Variants in RALGAPA1 observed in about 807,000 individuals in gnomAD.
RALGAPA1 encodes the protein Ral GTPase activating protein catalytic subunit alpha 1.
RALGAPA1 carries 52 observed loss-of-function variants against 269.6 expected under a neutral mutation model. The ratio of observed to expected loss-of-function variants is 0.19; its 90% confidence interval spans 0.15 to 0.24. The LOEUF is 0.24. Among genes scored for constraint, RALGAPA1 ranks in the 10% least tolerant of loss-of-function variants. The pLI is 1.00. For synonymous variants in RALGAPA1, 817 were observed against 1,008.3 expected (o/e 0.81, Z 3.60); for missense variants, 1,917 against 3,013.9 (o/e 0.64, Z 8.52).
At chr14:35,570,231 CT>C (rs1295289013) in intron 39 of RALGAPA1, among the ~76,000 whole-genome samples, 1 of 149,724 alleles carries the variant, frequency 6.7e-6, no homozygotes, top group Non-Finnish European at 1.5e-5. Flanking sequence ...GATCGTGCCA[CT>C]GCACTCCAGC....
At chr14:35,684,571 T>C (rs757371676) in intron 20 of RALGAPA1, among the ~76,000 whole-genome samples, 2 of 152,232 alleles carry the variant, frequency 1.3e-5, no homozygotes, top group African/African-American at 4.8e-5. Flanking sequence ...ATTTTTTGTT[T>C]TTTAAATGCT....
chr14:35,546,365 G>A (rs1046560283), intron 41 of RALGAPA1, among the ~76,000 whole-genome samples: 2 of 151,838 alleles, frequency 1.3e-5, no homozygotes, highest in Non-Finnish European at 2.9e-5. Flanking sequence ...GCTAAATGAC[G>A]AGTTAATGGG....
chr14:35,791,703 G>A (rs1325462161), intron 1 of RALGAPA1, among the ~76,000 whole-genome samples: 2 of 151,418 alleles, frequency 1.3e-5, no homozygotes, highest in Non-Finnish European at 2.9e-5. Flanking sequence ...TCAGGAGATC[G>A]AGACCATCCT....
rs1482988246 is a variant in RALGAPA1, at chr14:35,627,410, T to G, written c.6537A>C (p.Thr2179=). The change falls in exon 34 of 42, where the codon ACA becomes ACC. Residue 2179 remains threonine (T), a synonymous_variant. Coordinates refer to ENST00000680220, the MANE Select transcript of RALGAPA1 (RefSeq NM_001346249.2). The part of the protein sequence containing the change: ...RFRETVPTWD[T]IRDEEDVLDE... ...CAAGAACATCTTCTTCATCTCTTAT[T>G]GTATCCCAAGTTGGTACAGTTTCTC... The G allele has an allele frequency of 6.2e-7, 1 of 1,614,038 alleles. No individual in the cohort carries two copies. The highest frequency in any genetic ancestry group is 8.5e-7 in the Non-Finnish European group (1 of 1,180,032).
intron 37 of RALGAPA1, among the ~76,000 whole-genome samples, chr14:35,575,541 C>T (rs1038573940): frequency 1.3e-5 from 2 of 152,146 alleles, no homozygotes; most frequent in African/African-American, 4.8e-5. Flanking sequence ...CATCCTGCCT[C>T]GGCTTGAATA....
intron 7 of RALGAPA1, among the ~76,000 whole-genome samples, chr14:35,752,797 G>C (rs929196703): frequency 9.9e-5 from 15 of 152,124 alleles, no homozygotes; most frequent in African/African-American, 3.1e-4. Flanking sequence ...CTGCAGAGGA[G>C]GGCAATGGTG....
chr14:35,660,113 A>G (rs574556305), intron 27 of RALGAPA1, among the ~76,000 whole-genome samples: 3 of 152,234 alleles, frequency 2.0e-5, no homozygotes, highest in South Asian at 4.1e-4. Flanking sequence ...GATTAGGAAC[A>G]AGATAAAGAT....
At chr14:35,754,801 AAACAAAT>A (rs1182451955) in intron 7 of RALGAPA1, among the ~76,000 whole-genome samples, 1 of 152,202 alleles carries the variant, frequency 6.6e-6, no homozygotes, top group Non-Finnish European at 1.5e-5. Context: ...AAATAACCAT[AAACAAAT>A]AACTGAATAA....
chr14:35,659,522 G>A (rs192738162), intron 27 of RALGAPA1, among the ~76,000 whole-genome samples: 5 of 152,110 alleles, frequency 3.3e-5, no homozygotes, highest in African/African-American at 1.2e-4. Flanking sequence ...GGCTTCACCA[G>A]TGAATTCTAC....
chr14:35,588,890 G>C (rs1399739196), intron 37 of RALGAPA1, among the ~76,000 whole-genome samples: 2 of 152,164 alleles, frequency 1.3e-5, no homozygotes, highest in African/African-American at 4.8e-5. Context: ...TAAAGAAAAT[G>C]TGGTATATAT....
intron 17 of RALGAPA1, among the ~76,000 whole-genome samples, chr14:35,691,005 G>T (rs2066432504): frequency 6.6e-6 from 1 of 151,642 alleles, no homozygotes; most frequent in East Asian, 1.9e-4. Context: ...TGAGGCAGAG[G>T]CTGCGGTGAG....
At position 35,578,362 on chromosome 14, in the gene RALGAPA1, G is replaced by A. The variant is rs539114427; in HGVS notation, c.7210-5644C>T. 4.6e-5 allele frequency among the ~76,000 whole-genome samples: 7 copies of A among 152,258 alleles called. No individual in the cohort carries two copies. In the South Asian group the frequency reaches 8.3e-4, roughly 18 times the overall value. On this transcript the variant is annotated intron_variant, in intron 37 of 41. Transcript: ENST00000680220. ...ATTACTTCAGGAGATAGGGGTATAC[G>A]TGTAGAAACTGTAACTTAGTATTCT...
intron 4 of RALGAPA1, among the ~76,000 whole-genome samples, chr14:35,764,723 T>C (rs1235161306): frequency 6.6e-6 from 1 of 151,884 alleles, no homozygotes; most frequent in East Asian, 1.9e-4. Context: ...TTTTGTATTT[T>C]TTGTAGAGAT....
In RALGAPA1 at chr14:35,738,740, T is replaced by C. The variant is rs544659647; in HGVS notation, c.1450-90A>G. 73 of 995,224 alleles carry C rather than the reference T, an allele frequency of 7.3e-5. No homozygotes were observed. The East Asian group carries it at 1.7e-3, about 23-fold the overall frequency. The allele number at this position is 995,224 out of a possible 1,614,324, so 61.6% of individuals were successfully genotyped here. A position where few individuals can be genotyped will look rare whatever the true frequency, so the allele number is the denominator to read the frequency against. ...TGAAAAGGTAAATGAAATTGTTAGG[T>C]CCCACTGCTAAACAGGTTTCTTTCT... On this transcript the variant is annotated intron_variant, in intron 11 of 41. Coordinates refer to ENST00000680220, the MANE Select transcript of RALGAPA1 (RefSeq NM_001346249.2).
chr14:35,674,083 T>C (rs566119706), intron 24 of RALGAPA1, 97 bp downstream of exon 24: 156 of 836,680 alleles, frequency 1.9e-4, no homozygotes, highest in Middle Eastern at 3.6e-4. Context: ...AAAAACTAAG[T>C]GCTCTAGAAG....
At chr14:35,597,576 C>T (rs2059007066) in intron 36 of RALGAPA1, among the ~76,000 whole-genome samples, 1 of 151,844 alleles carries the variant, frequency 6.6e-6, no homozygotes, top group Admixed American at 6.6e-5. Flanking sequence ...TTACCCAGAG[C>T]CCCCCAGTGC....
In RALGAPA1 at chr14:35,768,600, A is replaced by G. The variant is rs145409546; in HGVS notation, c.325+2342T>C. On this transcript the variant is annotated intron_variant, in intron 4 of 41. Transcript: ENST00000680220. ...GTCCCAGCTACTTAAGAGGCTGAGT[A>G]GGGGGATGGCTTAAGCCCATTTCAA... Among the ~76,000 whole-genome samples the G allele has an allele frequency of 4.8e-3, 729 of 152,150 alleles. 7 individuals are homozygous for G. The highest frequency in any genetic ancestry group is 0.016 in the African/African-American group (675 of 41,522).
chr14:35,718,829 T>C (rs2069097079), intron 16 of RALGAPA1, among the ~76,000 whole-genome samples: 2 of 147,476 alleles, frequency 1.4e-5, no homozygotes, highest in South Asian at 4.3e-4. Flanking sequence ...TAAATAACTA[T>C]AAAAAAATGG....
At chr14:35,571,774 G>A (rs2057222864) in intron 38 of RALGAPA1, among the ~76,000 whole-genome samples, 2 of 152,028 alleles carry the variant, frequency 1.3e-5, no homozygotes, top group South Asian at 2.1e-4. Flanking sequence ...AACCAAAACC[G>A]AAATATTCTT....
Sources: allele counts gnomAD v4.1 joint callset (sites outside exome capture counted in the v4.1 genomes callset), GRCh38; gene constraint gnomAD v4.1.1; transcripts MANE v1.5; gene names NCBI Gene and HGNC (gene_info 2026-07-23, HGNC 2026-07-21).